The following ZNF236 variants were observed in gnomAD, a reference collection of about 807,000 sequenced individuals.
ZNF236 encodes zinc finger protein 236, also known as regulated by glucose.
ZNF236 carries 50 observed loss-of-function variants against 191.2 expected under a neutral mutation model. The observed-to-expected ratio is 0.26, with a 90% CI of 0.21 to 0.33. ZNF236 has a LOEUF of 0.33. Among genes scored for constraint, ZNF236 ranks in the 10% least tolerant of loss-of-function variants. The pLI is 1.00. For synonymous variants in ZNF236, 907 were observed against 928.8 expected, an observed-to-expected ratio of 0.98 and a Z score of 0.43; for missense variants, 1,754 against 2,374.5, an observed-to-expected ratio of 0.74 and a Z score of 5.43.
intron 5 of ZNF236, among the ~76,000 whole-genome samples, chr18:76,874,108 T>C (rs1047608985): frequency 6.6e-6 from 1 of 150,858 alleles, no homozygotes; most frequent in Non-Finnish European, 1.5e-5. Context: ...TGTCCTCCTC[T>C]CCTGTCCCCA....
chr18:76,826,365 C>T (rs1161567875), intron 1 of ZNF236, among the ~76,000 whole-genome samples: 2 of 146,654 alleles, frequency 1.4e-5, no homozygotes, highest in African/African-American at 5.0e-5. Flanking sequence ...CTCAAATGAT[C>T]CGCCCGCCTC....
Position 76,908,552 on chromosome 18 carries a change from C to G in ZNF236, c.2530C>G (p.Gln844Glu). ...EAGLGQQLAD[Q>E]PLEADEDGFV... Reference sequence around the variant, plus strand: ...AGGGCTGGGCCAGCAGTTGGCAGATCAGCCCCTGGAAGCAGATGAAGGTAA... The same window carrying G: ...AGGGCTGGGCCAGCAGTTGGCAGATGAGCCCCTGGAAGCAGATGAAGGTAA... Residue 844 changes from glutamine (Q) to glutamate (E), a missense_variant, in exon 14 of 31, where the codon CAG (glutamine) becomes GAG (glutamate). This residue lies in a region of ZNF236 where 641 missense variants were observed against 869.6 expected (regional missense o/e 0.74). Transcript: ENST00000320610. 6.2e-7 allele frequency: 1 copy of G among 1,609,998 alleles called. No homozygotes were observed. Among genetic ancestry groups the G allele is most frequent in the Non-Finnish European group, 8.5e-7 (1 of 1,178,268 alleles).
chr18:76,903,799 G>A (rs1977667414), intron 11 of ZNF236, among the ~76,000 whole-genome samples: 1 of 151,682 alleles, frequency 6.6e-6, no homozygotes, highest in African/African-American at 2.4e-5. Flanking sequence ...TATATAAAAT[G>A]AAATATTTAA....
At position 76,919,996 on chromosome 18, in the gene ZNF236, C is replaced by T. The variant is rs1019592534; in HGVS notation, c.3495C>T (p.Pro1165=). ...RDKQAELQDE[P]KHANCCTYCP... Reference sequence around the variant, plus strand: ...AGCAGGCGGAGCTGCAGGACGAGCCCAAGCACGCCAACTGCTGCACATACT... The same window carrying T: ...AGCAGGCGGAGCTGCAGGACGAGCCTAAGCACGCCAACTGCTGCACATACT... Residue 1165 remains proline (P), a synonymous_variant, in exon 20 of 31, where the codon CCC becomes CCT. Transcript: ENST00000320610. This position sits in a 1 kb window ranked among gnomAD's most constrained non-coding sequence, Gnocchi z 5.3. 3.0e-5 allele frequency: 48 copies of T among 1,613,410 alleles called. No individual in the cohort carries two copies. In the Admixed American group the frequency reaches 6.5e-4, roughly 22 times the overall value.
intron 1 of ZNF236, among the ~76,000 whole-genome samples, chr18:76,830,188 C>T (rs922313396): frequency 1.3e-5 from 2 of 152,090 alleles, no homozygotes; most frequent in African/African-American, 2.4e-5. Context: ...TGTTTTTGAA[C>T]TAAATTGAAT....
intron 25 of ZNF236, among the ~76,000 whole-genome samples, chr18:76,933,165 C>T (rs1427365977): frequency 1.3e-5 from 2 of 152,112 alleles, no homozygotes; most frequent in African/African-American, 2.4e-5. Context: ...TCTTTTAGAC[C>T]TTTTTTTAAA....
intron 1 of ZNF236, among the ~76,000 whole-genome samples, chr18:76,825,790 A>T (rs1013351925): frequency 6.6e-6 from 1 of 152,056 alleles, no homozygotes; most frequent in African/African-American, 2.4e-5. Flanking sequence ...GTTTTGTTTT[A>T]AATAGAGATG....
At chr18:76,931,210 AC>A (rs1460058787) in intron 25 of ZNF236, 1 of 152,202 alleles carries the variant, frequency 6.6e-6, no homozygotes, top group African/African-American at 2.4e-5. Context: ...CTCCCAGAGC[AC>A]AGCATTGAGC....
intron 3 of ZNF236, among the ~76,000 whole-genome samples, chr18:76,856,071 T>C (rs955734794): frequency 6.6e-6 from 1 of 152,104 alleles, no homozygotes; most frequent in Non-Finnish European, 1.5e-5. Flanking sequence ...TTTAAAAAAA[T>C]TATTACTTAA....
Position 76,919,762 on chromosome 18 carries a change from T to C in ZNF236, c.3275-14T>C, listed in dbSNP as rs1568230178. 1.2e-6 allele frequency: 2 copies of C among 1,606,416 alleles called. No individual in the cohort carries two copies. Among genetic ancestry groups the C allele is most frequent in the South Asian group, 1.1e-5 (1 of 90,960 alleles). ...TCATTACGATTTTGATCCCTTTTCC[T>C]TGATTTTGTGTAGACATTTGTATGG... On this transcript the variant is annotated splice_polypyrimidine_tract_variant and intron_variant, in intron 19 of 30. Coordinates refer to ENST00000320610, the MANE Select transcript of ZNF236 (RefSeq NM_001306089.2). The surrounding 1 kb of genome is among the most constrained non-coding windows in gnomAD (Gnocchi z 5.3).
intron 11 of ZNF236, among the ~76,000 whole-genome samples, chr18:76,902,333 T>C (rs2122732670): frequency 6.6e-6 from 1 of 152,230 alleles, no homozygotes; most frequent in Non-Finnish European, 1.5e-5. Context: ...GATAAAAACA[T>C]GGTAAGGAGA....
rs1021394596 is a variant in ZNF236 at position 76,968,990 on chromosome 18, C to G, written c.*651C>G. ...TATCTGGGGCGTCAACATGGGGACT[C>G]GAGTAAACCTGACCCACCAATAAGG... is the stretch of plus-strand genomic sequence containing the variant. On this transcript the variant is annotated 3_prime_UTR_variant, in exon 31 of 31. Coordinates refer to ENST00000320610, the MANE Select transcript of ZNF236 (RefSeq NM_001306089.2). 1 of 985,702 alleles carries G rather than the reference C, an allele frequency of 1.0e-6. No individual in the cohort carries two copies. The highest frequency in any genetic ancestry group is 1.2e-6 in the Non-Finnish European group (1 of 829,938). The allele number at this position is 985,702 out of a possible 1,614,324, so 61.1% of individuals were successfully genotyped here.
chr18:76,876,188 A>G (rs981913295), intron 6 of ZNF236, among the ~76,000 whole-genome samples: 5 of 152,196 alleles, frequency 3.3e-5, no homozygotes, highest in African/African-American at 4.8e-5. Context: ...TCTGTTGTCT[A>G]CAGAGCATAC....
intron 25 of ZNF236, chr18:76,935,903 T>C (rs978562860): frequency 2.9e-5 from 13 of 453,212 alleles, no homozygotes; most frequent in Non-Finnish European, 5.3e-5. Flanking sequence ...GGGTCTGACC[T>C]AGCTATCTGT....
Position 76,960,806 on chromosome 18 carries a change from G to A in ZNF236, c.5370G>A (p.Thr1790=), listed in dbSNP as rs188120985. ...GTGCCTACTGCGTCATGGGCTTCAC[G>A]CAGAAGAGCAACATGAAGCTGCACA... ...YKCAYCVMGF[T]QKSNMKLHMK... is the part of the protein sequence containing the mutation. The change falls in exon 30 of 31, where the codon ACG becomes ACA. Residue 1790 remains threonine, a synonymous_variant. Transcript: ENST00000320610. This position sits in a 1 kb window ranked among gnomAD's most constrained non-coding sequence, Gnocchi z 4.4. The A allele has an allele frequency of 4.5e-5, 72 of 1,613,980 alleles. No individual in the cohort carries two copies. In the Middle Eastern group the frequency reaches 6.6e-4, roughly 15 times the overall value.
intron 30 of ZNF236, 149 bp from the exon 31 acceptor site, chr18:76,968,066 C>T: frequency 9.7e-7 from 1 of 1,028,352 alleles, no homozygotes; most frequent in East Asian, 2.4e-5. Flanking sequence ...TCACCTGCAG[C>T]TCAAATTACT....
intron 10 of ZNF236, among the ~76,000 whole-genome samples, chr18:76,897,137 AAC>A (rs1977445601): frequency 6.6e-6 from 1 of 151,778 alleles, no homozygotes; most frequent in South Asian, 2.1e-4. Context: ...TTAGGTACCA[AAC>A]ACAGTACCAA....
At chr18:76,849,731 G>T in intron 2 of ZNF236, 63 bp downstream of exon 2, 1 of 1,387,020 alleles carries the variant, frequency 7.2e-7, no homozygotes, top group South Asian at 1.8e-5. Flanking sequence ...TTGTAAAAAT[G>T]AACAAGTAAA....
chr18:76,863,059 A>G (rs901043214), intron 3 of ZNF236, among the ~76,000 whole-genome samples: 3 of 152,232 alleles, frequency 2.0e-5, no homozygotes, highest in African/African-American at 7.2e-5. Flanking sequence ...CCATGATTGA[A>G]CTAAAGAACT....
Sources: gnomAD v4.1 joint callset for allele counts (sites outside exome capture counted in the v4.1 genomes callset) on GRCh38, gnomAD v4.1.1 for gene constraint, gnomAD v4.1.1 regional missense constraint, Gnocchi (gnomAD v3.1) non-coding constraint, MANE v1.5 for transcripts, NCBI Gene and HGNC (gene_info 2026-07-23, HGNC 2026-07-21) for gene names.